The following ODAD1 variants were observed in gnomAD, a reference collection of about 807,000 sequenced individuals.
ODAD1 encodes outer dynein arm-docking complex subunit 1.
A neutral mutation model predicts 67.2 loss-of-function variants in ODAD1; 49 were observed. The observed-to-expected ratio is 0.73, with a 90% CI of 0.58 to 0.92. ODAD1 has a LOEUF of 0.92. Among genes scored for constraint, ODAD1 ranks in the 40% least tolerant of loss-of-function variants. The pLI is 0.00. For synonymous variants in ODAD1, 345 were observed against 393.7 expected (o/e 0.88, Z 1.46); for missense variants, 897 against 953.7 (o/e 0.94, Z 0.78).
intron 5 of ODAD1, among the ~76,000 whole-genome samples, chr19:48,313,575 G>A (rs12980180): frequency 0.18 from 27,114 of 151,910 alleles, 2,542 homozygotes; most frequent in Middle Eastern, 0.23. Context: ...CCACTACGAC[G>A]AGGTGTTCTT....
rs10413771 is a variant in ODAD1 at position 48,296,634 on chromosome 19, G to C, written c.*342C>G. On this transcript the variant is annotated 3_prime_UTR_variant, in exon 16 of 16. Transcript: ENST00000674294. ...CCTGGGAGATGGAGATGAGGAGAGA[G>C]AGCCGGAAACAGGAGGTGGGGGATC... 7,984 of 397,686 alleles carry C rather than the reference G, an allele frequency of 0.02. 467 individuals carry two copies. The highest frequency in any genetic ancestry group is 0.14 in the African/African-American group (6,446 of 46,632). 24.6% of individuals were successfully genotyped at this position (397,686 alleles called of 1,614,324 possible).
chr19:48,321,546 T>G (rs1600878634), intron 1 of ODAD1, 132 bp downstream of exon 1: 1 of 324,010 alleles, frequency 3.1e-6, no homozygotes, highest in Non-Finnish European at 5.6e-6. Flanking sequence ...GAGGGTCGCG[T>G]TTGGAAGGCC....
chr19:48,320,365 G>A lies in ODAD1; in HGVS notation c.4C>T (p.Pro2Ser). The change falls in exon 3 of 16, where the codon CCT (proline) becomes TCT (serine). Residue 2 changes from proline to serine, a missense_variant. Pro to Ser is a moderately conservative substitution (Grantham distance 74, BLOSUM62 -1). Transcript: ENST00000674294. Reference sequence around the variant, plus strand: ...GCGCTCCCTGCCAAGCGTCCCAAAGGCATCCTGGCCAAACAGGGTGGGGCT... The same window carrying A: ...GCGCTCCCTGCCAAGCGTCCCAAAGACATCCTGGCCAAACAGGGTGGGGCT... Reference protein sequence around the residue: MPLGRLAGSARS... With the variant: MSLGRLAGSARS... 7.8e-7 allele frequency: 1 copy of A among 1,288,796 alleles called. No homozygotes were observed. Among genetic ancestry groups the A allele is most frequent in the Non-Finnish European group, 1.0e-6 (1 of 988,242 alleles). The allele number at this position is 1,288,796 out of a possible 1,614,324, so 79.8% of individuals were successfully genotyped here.
rs959196580 is a variant in ODAD1, at chr19:48,313,822, G to A, written c.361-1706C>T. Among the ~76,000 whole-genome samples, 7 of 152,298 alleles carry A rather than the reference G, an allele frequency of 4.6e-5. No individual in the cohort carries two copies. The East Asian group carries it at 1.3e-3, about 29-fold the overall frequency. On this transcript the variant is annotated intron_variant, in intron 5 of 15. Transcript: ENST00000674294. ...CCCTTGAGACAAGGAGCTCGAAGCT[G>A]CAGTGAGCTGTGATTGAGCCACTGT...
intron 5 of ODAD1, among the ~76,000 whole-genome samples, chr19:48,312,541 C>T (rs1316822765): frequency 3.3e-5 from 5 of 151,620 alleles, no homozygotes; most frequent in Non-Finnish European, 7.4e-5. Flanking sequence ...CTCAACCTCC[C>T]GAGTAGCTGG....
chr19:48,309,982 C>T (rs1356690253), intron 7 of ODAD1, among the ~76,000 whole-genome samples: 1 of 152,146 alleles, frequency 6.6e-6, no homozygotes, highest in Non-Finnish European at 1.5e-5. Flanking sequence ...TGCCTGTAAT[C>T]CCAGAACTTT....
chr19:48,304,943 G>A lies in ODAD1; in HGVS notation c.666-803C>T, dbSNP rs150118990. Among the ~76,000 whole-genome samples, 716 of 152,244 alleles carry A rather than the reference G, an allele frequency of 4.7e-3. 5 individuals are homozygous for A. Among genetic ancestry groups the A allele is most frequent in the African/African-American group, 0.016 (676 of 41,554 alleles). ...TTTCAGATCTAGACAGAAGTGGTGC[G>A]GTTGCACGGCCCCGTGAATGTACTA... On this transcript the variant is annotated intron_variant, in intron 8 of 15. Coordinates refer to ENST00000674294, the MANE Select transcript of ODAD1 (RefSeq NM_001364171.2).
At chr19:48,318,943 A>T (rs1343124995) in intron 3 of ODAD1, 131 bp from the exon 4 acceptor site, 2 of 625,320 alleles carry the variant, frequency 3.2e-6, no homozygotes, top group African/African-American at 3.7e-5. Flanking sequence ...AGCCCCCAAC[A>T]CCCCTCTAGG....
chr19:48,303,175 T>C (rs938247858), intron 10 of ODAD1, 80 bp from the exon 11 acceptor site: 2 of 1,077,536 alleles, frequency 1.9e-6, no homozygotes, highest in Non-Finnish European at 1.4e-6. Context: ...CAGAGAGGCA[T>C]ACAGAAGGCC....
chr19:48,299,250 A>G (rs1420881699), intron 12 of ODAD1, among the ~76,000 whole-genome samples: 1 of 151,900 alleles, frequency 6.6e-6, no homozygotes, highest in African/African-American at 2.4e-5. Flanking sequence ...CTCTACTAAA[A>G]ATACAAAAAA....
chr19:48,298,262 C>A lies in ODAD1; in HGVS notation c.1319G>T (p.Gly440Val), dbSNP rs1486058153. Reference protein sequence around the residue: ...DDLLGVKTSMGDRDMGLFLSL... With the variant: ...DDLLGVKTSMVDRDMGLFLSL... ...CAGGAAGAGGCCCATGTCCCGGTCTCCCATGCTGGTCTTGACCCCAAGGAG... is the reference window on the plus strand; with the variant it reads ...CAGGAAGAGGCCCATGTCCCGGTCTACCATGCTGGTCTTGACCCCAAGGAG... The change falls in exon 13 of 16, where the codon GGA (glycine) becomes GTA (valine). Residue 440 changes from glycine (G) to valine (V), a missense_variant. Coordinates refer to ENST00000674294, the MANE Select transcript of ODAD1 (RefSeq NM_001364171.2). 1 of 1,614,178 alleles carries A rather than the reference C, an allele frequency of 6.2e-7. No homozygotes were observed.
intron 5 of ODAD1, among the ~76,000 whole-genome samples, chr19:48,315,606 G>T (rs908122536): frequency 1.3e-5 from 2 of 152,030 alleles, no homozygotes; most frequent in Admixed American, 6.6e-5. Flanking sequence ...AATATCCATC[G>T]CCCCTAAAAG....
At chr19:48,311,215 CAAAG>C (rs1287332524) in intron 7 of ODAD1, among the ~76,000 whole-genome samples, 17 of 151,980 alleles carry the variant, frequency 1.1e-4, no homozygotes, top group Non-Finnish European at 2.4e-4. Context: ...CATCTCAAAA[CAAAG>C]AAAGAAAGAA....
At chr19:48,315,888 C>T (rs1247082598) in intron 5 of ODAD1, among the ~76,000 whole-genome samples, 1 of 152,122 alleles carries the variant, frequency 6.6e-6, no homozygotes, top group Admixed American at 6.6e-5. Context: ...CATGTATAGA[C>T]CACAATTTGC....
In ODAD1 at chr19:48,296,655, G is replaced by T; in HGVS notation, c.*321C>A. The T allele has an allele frequency of 1.7e-6, 1 of 604,196 alleles. No individual in the cohort carries two copies. Among genetic ancestry groups the T allele is most frequent in the Non-Finnish European group, 2.3e-6 (1 of 437,762 alleles). 37.4% of individuals were successfully genotyped at this position (604,196 alleles called of 1,614,324 possible). On this transcript the variant is annotated 3_prime_UTR_variant, in exon 16 of 16. Coordinates refer to ENST00000674294, the MANE Select transcript of ODAD1 (RefSeq NM_001364171.2). Reference sequence around the variant, plus strand: ...GAGAGAGCCGGAAACAGGAGGTGGGGGATCCACAGGGGGCCAGGGCTCAGC... The same window carrying T: ...GAGAGAGCCGGAAACAGGAGGTGGGTGATCCACAGGGGGCCAGGGCTCAGC...
At chr19:48,297,805 G>A (rs1352588123) in intron 14 of ODAD1, 137 bp from the exon 15 acceptor site, 40 of 922,876 alleles carry the variant, frequency 4.3e-5, no homozygotes, top group Middle Eastern at 3.1e-4. Context: ...GGCACCCGGG[G>A]CCCCATCCTC....
chr19:48,309,833 G>A (rs1046366685), intron 7 of ODAD1, among the ~76,000 whole-genome samples: 2 of 152,168 alleles, frequency 1.3e-5, no homozygotes, highest in Non-Finnish European at 2.9e-5. Flanking sequence ...CTAGTCATGG[G>A]ACAAGTTGAC....
chr19:48,296,899 G>T lies in ODAD1; in HGVS notation c.*77C>A, dbSNP rs548260830. 1,749 of 1,456,942 alleles carry T rather than the reference G, an allele frequency of 1.2e-3. No individual in the cohort carries two copies. The highest frequency in any genetic ancestry group is 1.4e-3 in the Non-Finnish European group (1,607 of 1,111,636). 90.3% of individuals were successfully genotyped at this position (1,456,942 alleles called of 1,614,324 possible). On this transcript the variant is annotated 3_prime_UTR_variant, in exon 16 of 16. Transcript: ENST00000674294. ...GGAGAAAAAGACAGAGACCCACAAG[G>T]CAAACAGGGGAAGTAGAGACACAAA... is the stretch of plus-strand genomic sequence containing the variant.
chr19:48,315,598 T>C (rs548890207), intron 5 of ODAD1, among the ~76,000 whole-genome samples: 1 of 152,260 alleles, frequency 6.6e-6, no homozygotes, highest in East Asian at 1.9e-4. Flanking sequence ...ATAGTGAAAA[T>C]ATCCATCGCC....
Sources: allele counts gnomAD v4.1 joint callset (sites outside exome capture counted in the v4.1 genomes callset), GRCh38; gene constraint gnomAD v4.1.1; transcripts MANE v1.5; gene names NCBI Gene and HGNC (gene_info 2026-07-23, HGNC 2026-07-21).